EXOSC4: variants seen among roughly 807,000 people sequenced by gnomAD.
EXOSC4 encodes the protein exosome complex component RRP41.
A neutral mutation model predicts 20.0 loss-of-function variants in EXOSC4; 14 were observed. That is an observed-to-expected ratio of 0.70 (90% confidence interval 0.46 to 1.09). EXOSC4 has a LOEUF of 1.09. Among genes scored for constraint, EXOSC4 ranks in the 50% least tolerant of loss-of-function variants. The pLI is 0.00. For missense variants in EXOSC4, 337 were observed against 334.0 expected, an observed-to-expected ratio of 1.01 and a Z score of -0.07; for synonymous variants, 148 against 146.4, an observed-to-expected ratio of 1.01 and a Z score of -0.08.
At position 144,080,163 on chromosome 8, in the gene EXOSC4, A is replaced by G. The variant is rs1835883324; in HGVS notation, c.378+14A>G. ...ATCTATGTGCAGGTGAGCCAGCTGC[A>G]GCCGTCAATCCAGGGAGGGAAGGGT... On this transcript the variant is annotated intron_variant, in intron 2 of 2. Transcript: ENST00000316052. The surrounding 1 kb of genome is among the most constrained non-coding windows in gnomAD (Gnocchi z 4.9). 6.2e-7 allele frequency: 1 copy of G among 1,608,348 alleles called. No individual in the cohort carries two copies. Among genetic ancestry groups the G allele is most frequent in the Non-Finnish European group, 8.5e-7 (1 of 1,175,678 alleles).
At position 144,080,386 on chromosome 8, in the gene EXOSC4, C is replaced by T. The variant is rs141963829; in HGVS notation, c.523C>T (p.His175Tyr). ...CGGCACAGCCCTGGCGGACCTCAGC[C>T]ATGTGGAGGAAGCAGCTGGTGGCCC... is the stretch of plus-strand genomic sequence containing the variant. ...VDGTALADLS[H>Y]VEEAAGGPQL... Residue 175 changes from histidine to tyrosine, a missense_variant, in exon 3 of 3, where the codon CAT becomes TAT. His to Tyr is a moderately conservative substitution (Grantham distance 83). Coordinates refer to ENST00000316052, the MANE Select transcript of EXOSC4 (RefSeq NM_019037.3). This position sits in a 1 kb window ranked among gnomAD's most constrained non-coding sequence, Gnocchi z 4.9. 1.6e-5 allele frequency: 26 copies of T among 1,612,174 alleles called. No homozygotes were observed. The African/African-American group carries it at 3.2e-4, about 20-fold the overall frequency.
chr8:144,068,313 C>T, the EXOSC4 span, among the ~76,000 whole-genome samples: 1 of 152,218 alleles, frequency 6.6e-6, no homozygotes, highest in African/African-American at 2.4e-5. Flanking sequence ...GCTACGCTTC[C>T]CTGCCTGTCA....
the EXOSC4 span, among the ~76,000 whole-genome samples, chr8:144,065,600 T>C: frequency 6.6e-6 from 1 of 151,098 alleles, no homozygotes; most frequent in African/African-American, 2.4e-5. Context: ...CTGGCCGCGA[T>C]GGCAGGCACC....
Position 144,078,735 on chromosome 8 carries a change from G to A in EXOSC4, c.7G>A (p.Gly3Arg). 1 of 1,462,820 alleles carries A rather than the reference G, an allele frequency of 6.8e-7. No homozygotes were observed. The highest frequency in any genetic ancestry group is 9.1e-7 in the Non-Finnish European group (1 of 1,104,652). The allele number at this position is 1,462,820 out of a possible 1,614,324, so 90.6% of individuals were successfully genotyped here. Residue 3 changes from glycine (G) to arginine (R), a missense_variant, in exon 1 of 3, where the codon GGG becomes AGG. Physicochemically the swap from Gly to Arg is moderately radical, Grantham distance 125. Coordinates refer to ENST00000316052, the MANE Select transcript of EXOSC4 (RefSeq NM_019037.3). The surrounding 1 kb of genome is among the most constrained non-coding windows in gnomAD (Gnocchi z 4.7). The part of the protein sequence containing the change: MA[G>R]LELLSDQGYR... Reference sequence around the variant, plus strand: ...GACCTGGCGGCCGGGCAGCATGGCGGGGCTGGAGCTCTTGTCGGACCAGGG... The same window carrying A: ...GACCTGGCGGCCGGGCAGCATGGCGAGGCTGGAGCTCTTGTCGGACCAGGG...
At chr8:144,066,360 G>A in the EXOSC4 span, among the ~76,000 whole-genome samples, 1 of 150,424 alleles carries the variant, frequency 6.6e-6, no homozygotes, top group African/African-American at 2.4e-5. Context: ...TAAACTCCTG[G>A]CCTCCTGCCT....
chr8:144,065,444 C>A, the EXOSC4 span, among the ~76,000 whole-genome samples: 1 of 151,970 alleles, frequency 6.6e-6, no homozygotes, highest in Non-Finnish European at 1.5e-5. Flanking sequence ...CAATTTAATT[C>A]TCGGCCGGGT....
intron 1 of EXOSC4, chr8:144,079,671 T>C (rs1554763193): frequency 1.6e-6 from 1 of 624,240 alleles, no homozygotes; most frequent in African/African-American, 1.8e-5. Flanking sequence ...TAGTTAGGAT[T>C]TGAGTGTGTA....
chr8:144,066,330 T>A, the EXOSC4 span, among the ~76,000 whole-genome samples: 1 of 151,012 alleles, frequency 6.6e-6, no homozygotes. Context: ...GGGGTCTCAC[T>A]ATGTTGCCCA....
chr8:144,079,659 G>A, intron 1 of EXOSC4: 2 of 590,848 alleles, frequency 3.4e-6, no homozygotes, highest in Non-Finnish European at 6.3e-6. Flanking sequence ...ACCTTTGTAA[G>A]GTAGTTAGGA....
chr8:144,066,259 T>G, the EXOSC4 span, among the ~76,000 whole-genome samples: 1 of 151,568 alleles, frequency 6.6e-6, no homozygotes, highest in African/African-American at 2.4e-5. Flanking sequence ...GACCTCGTGA[T>G]CCCTCCGCCT....
chr8:144,080,004 C>G lies in EXOSC4; in HGVS notation c.233C>G (p.Ser78Ter). ...GCCCTAGTGAACTGTCAATATAGTT[C>G]AGCGACCTTCAGCACAGGTGAGCGC... The part of the protein sequence containing the change: ...DRALVNCQYS[S>*]ATFSTGERKR... Residue 78 changes from serine to a stop codon, truncating the protein, a stop_gained, in exon 2 of 3, where the codon TCA becomes TGA. Transcript: ENST00000316052. LOFTEE classifies it high-confidence loss of function. This position sits in a 1 kb window ranked among gnomAD's most constrained non-coding sequence, Gnocchi z 4.9. 6.2e-7 allele frequency: 1 copy of G among 1,614,080 alleles called. No individual in the cohort carries two copies. Among genetic ancestry groups the G allele is most frequent in the East Asian group, 2.2e-5 (1 of 44,890 alleles).
chr8:144,078,788 G>T lies in EXOSC4; in HGVS notation c.60G>T (p.Gly20=). The T allele has an allele frequency of 6.4e-7, 1 of 1,553,552 alleles. No individual in the cohort carries two copies. The highest frequency in any genetic ancestry group is 8.7e-7 in the Non-Finnish European group (1 of 1,152,996). The change falls in exon 1 of 3, where the codon GGG becomes GGT. Residue 20 remains glycine, a synonymous_variant. Transcript: ENST00000316052. The surrounding 1 kb of genome is among the most constrained non-coding windows in gnomAD (Gnocchi z 4.7). Reference sequence around the variant, plus strand: ...ACCGGGTGGACGGGCGGCGCGCCGGGGAGCTGCGCAAGATCCAGGCGCGGA... The same window carrying T: ...ACCGGGTGGACGGGCGGCGCGCCGGTGAGCTGCGCAAGATCCAGGCGCGGA... The part of the protein sequence containing the change: ...QGYRVDGRRA[G]ELRKIQARMG...
At position 144,080,331 on chromosome 8, in the gene EXOSC4, T is replaced by C. The variant is rs943225594; in HGVS notation, c.468T>C (p.Phe156=). ...VLDAGIPMRD[F]VCACSAGFVD... is the part of the protein sequence containing the mutation. The stretch of plus-strand genomic sequence containing the variant: ...ATGCCGGGATACCCATGAGAGACTT[T>C]GTGTGTGCGTGCTCAGCTGGCTTCG... The change falls in exon 3 of 3, where the codon TTT becomes TTC. Residue 156 remains phenylalanine, a synonymous_variant. Coordinates refer to ENST00000316052, the MANE Select transcript of EXOSC4 (RefSeq NM_019037.3). This position sits in a 1 kb window ranked among gnomAD's most constrained non-coding sequence, Gnocchi z 4.9. 2.5e-6 allele frequency: 4 copies of C among 1,613,576 alleles called. No homozygotes were observed. Among genetic ancestry groups the C allele is most frequent in the Non-Finnish European group, 3.4e-6 (4 of 1,179,996 alleles).
chr8:144,066,310 C>CA, the EXOSC4 span, among the ~76,000 whole-genome samples: 1 of 151,674 alleles, frequency 6.6e-6, no homozygotes, highest in Non-Finnish European at 1.5e-5. Context: ...TGAGCCACTG[C>CA]ACCTGGCCCG....
chr8:144,079,840 C>T, intron 1 of EXOSC4, 103 bp from the exon 2 acceptor site: 1 of 1,125,096 alleles, frequency 8.9e-7, no homozygotes, highest in South Asian at 1.2e-5. Context: ...CGCAGTTGCC[C>T]CTTGCTGAGG....
In EXOSC4 at chr8:144,080,299, G is replaced by T; in HGVS notation, c.436G>T (p.Val146Leu). The T allele has an allele frequency of 6.2e-7, 1 of 1,613,900 alleles. No individual in the cohort carries two copies. ...TTGTGTGAATGCAGCCACGCTGGCA[G>T]TGCTGGATGCCGGGATACCCATGAG... ...AACVNAATLA[V>L]LDAGIPMRDF... The change falls in exon 3 of 3, where the codon GTG (valine) becomes TTG (leucine). Residue 146 changes from valine to leucine, a missense_variant. By Grantham distance (32) the Val-to-Leu change is conservative (BLOSUM62 1). Coordinates refer to ENST00000316052, the MANE Select transcript of EXOSC4 (RefSeq NM_019037.3). This position sits in a 1 kb window ranked among gnomAD's most constrained non-coding sequence, Gnocchi z 4.9.
the EXOSC4 span, among the ~76,000 whole-genome samples, chr8:144,071,642 A>T: frequency 6.6e-6 from 1 of 151,452 alleles, no homozygotes; most frequent in African/African-American, 2.4e-5. Context: ...GCAAAGAAAG[A>T]GGATAGTGTG....
chr8:144,078,655 C>T (rs1329326083), upstream of EXOSC4: 15 of 1,335,598 alleles, frequency 1.1e-5, no homozygotes, highest in South Asian at 7.4e-5. The surrounding 1 kb of genome is among the most constrained non-coding windows in gnomAD (Gnocchi z 4.7). Flanking sequence ...TCCGGGCGGT[C>T]GGAGCCGCCG....
upstream of EXOSC4, among the ~76,000 whole-genome samples, chr8:144,076,757 C>T (rs992287034): frequency 6.6e-6 from 1 of 152,208 alleles, no homozygotes; most frequent in East Asian, 1.9e-4. Flanking sequence ...GCTCCCTGGG[C>T]GTCTAGTCTT....
Sources: allele counts gnomAD v4.1 joint callset (sites outside exome capture counted in the v4.1 genomes callset), GRCh38; gene constraint gnomAD v4.1.1; non-coding constraint Gnocchi (gnomAD v3.1); transcripts MANE v1.5; gene names NCBI Gene and HGNC (gene_info 2026-07-23, HGNC 2026-07-21).